TLK1: variants seen among roughly 807,000 people sequenced by gnomAD.
The protein encoded by TLK1 is serine/threonine-protein kinase tousled-like 1.
In TLK1, 24 loss-of-function variants were observed where a neutral mutation model predicts 105.3. The observed-to-expected ratio is 0.23, with a 90% confidence interval of 0.17 to 0.32. TLK1 has a LOEUF of 0.32. Ranked by LOEUF, TLK1 falls within the 10% of genes least tolerant of loss-of-function variation. The pLI is 1.00. For missense variants in TLK1, 558 were observed against 910.5 expected (o/e 0.61, Z 4.98); for synonymous variants, 321 against 310.4 (o/e 1.03, Z -0.36).
chr2:171,201,284 T>C (rs1194646504), intron 1 of TLK1, among the ~76,000 whole-genome samples: 1 of 152,228 alleles, frequency 6.6e-6, no homozygotes, highest in Non-Finnish European at 1.5e-5. Flanking sequence ...AAATTCATTT[T>C]ATCAATGCTT....
intron 1 of TLK1, among the ~76,000 whole-genome samples, chr2:171,119,799 T>C (rs1382191411): frequency 6.6e-6 from 1 of 152,192 alleles, no homozygotes; most frequent in East Asian, 1.9e-4. Flanking sequence ...ATCCTTACTT[T>C]AACCATATAA....
At chr2:171,136,855 A>G (rs962250118) in intron 1 of TLK1, among the ~76,000 whole-genome samples, 5 of 152,212 alleles carry the variant, frequency 3.3e-5, no homozygotes, top group Admixed American at 2.6e-4. Flanking sequence ...GTTAAATATT[A>G]TAAGGTAAAA....
intron 1 of TLK1, among the ~76,000 whole-genome samples, chr2:171,171,935 A>G (rs1692737231): frequency 2.0e-5 from 3 of 152,182 alleles, no homozygotes; most frequent in South Asian, 4.1e-4. Context: ...CCCAACAAAA[A>G]TGCGTTACAT....
chr2:171,133,456 G>A (rs930198761), intron 1 of TLK1, among the ~76,000 whole-genome samples: 1 of 151,988 alleles, frequency 6.6e-6, no homozygotes, highest in African/African-American at 2.4e-5. Flanking sequence ...AATATTAGCC[G>A]GGCTTGGTGG....
chr2:171,029,441 G>T (rs1323030918), intron 11 of TLK1, among the ~76,000 whole-genome samples: 2 of 152,108 alleles, frequency 1.3e-5, no homozygotes, highest in African/African-American at 4.8e-5. Flanking sequence ...AACAGCCTGG[G>T]CAACATAGCA....
intron 1 of TLK1, among the ~76,000 whole-genome samples, chr2:171,211,532 G>A (rs930313181): frequency 6.6e-6 from 1 of 151,094 alleles, no homozygotes; most frequent in Admixed American, 6.6e-5. Context: ...AATGTATCTA[G>A]TGATATCTGA....
At chr2:171,035,113 G>A (rs546248611) in intron 11 of TLK1, among the ~76,000 whole-genome samples, 7 of 152,182 alleles carry the variant, frequency 4.6e-5, no homozygotes, top group African/African-American at 1.7e-4. Context: ...AGCCGAGGAG[G>A]GTGGATCACC....
At chr2:171,126,431 T>A (rs1386450092) in intron 1 of TLK1, among the ~76,000 whole-genome samples, 1 of 152,206 alleles carries the variant, frequency 6.6e-6, no homozygotes, top group Non-Finnish European at 1.5e-5. Context: ...AAGGATGATA[T>A]ATTAGAACAT....
chr2:171,174,685 A>G (rs1056859959), intron 1 of TLK1, among the ~76,000 whole-genome samples: 1 of 152,268 alleles, frequency 6.6e-6, no homozygotes, highest in East Asian at 1.9e-4. Flanking sequence ...TATCCTTAGC[A>G]CAGAGCCTGC....
At chr2:171,079,184 T>C (rs773288841) in intron 3 of TLK1, among the ~76,000 whole-genome samples, 41 of 152,298 alleles carry the variant, frequency 2.7e-4, no homozygotes, top group Admixed American at 7.8e-4. Context: ...CAAACACATA[T>C]CCTAGTCCCT....
intron 2 of TLK1, among the ~76,000 whole-genome samples, chr2:171,104,635 C>A (rs1689837578): frequency 6.6e-6 from 1 of 152,126 alleles, no homozygotes; most frequent in African/African-American, 2.4e-5. Flanking sequence ...GGAGGCATCA[C>A]ACTACTGGAC....
chr2:171,052,102 A>G (rs1270885433), intron 8 of TLK1, among the ~76,000 whole-genome samples: 2 of 149,086 alleles, frequency 1.3e-5, no homozygotes, highest in Non-Finnish European at 2.9e-5. Context: ...TCTACAAAAT[A>G]AAAAAAAATC....
chr2:170,991,496 G>A lies in TLK1; in HGVS notation c.*2284C>T, dbSNP rs539903647. The A allele has an allele frequency of 6.6e-6, 1 of 152,176 alleles. No homozygotes were observed. The highest frequency in any genetic ancestry group is 2.4e-5 in the African/African-American group (1 of 41,526). The allele number at this position is 152,176 out of a possible 1,614,324, so 9.4% of individuals were successfully genotyped here. ...GGGAAACTTTTAGAAGGAAAATATG[G>A]GTCTATAAGTTGATTCATCTCCTAC... is the stretch of plus-strand genomic sequence containing the variant. On this transcript the variant is annotated 3_prime_UTR_variant, in exon 21 of 21. Coordinates refer to ENST00000431350, the MANE Select transcript of TLK1 (RefSeq NM_012290.5).
At chr2:171,032,336 G>GA (rs1319021581) in intron 11 of TLK1, among the ~76,000 whole-genome samples, 9 of 151,880 alleles carry the variant, frequency 5.9e-5, no homozygotes, top group Non-Finnish European at 1.2e-4. Context: ...TCTATATTTA[G>GA]AAAATCCCCA....
At chr2:171,104,249 C>A (rs1193442455) in intron 2 of TLK1, among the ~76,000 whole-genome samples, 1 of 149,532 alleles carries the variant, frequency 6.7e-6, no homozygotes, top group Admixed American at 6.7e-5. Flanking sequence ...GCACTCCAGC[C>A]TGGGCAACAG....
At chr2:171,151,873 T>C (rs1014777517) in intron 1 of TLK1, among the ~76,000 whole-genome samples, 2 of 152,224 alleles carry the variant, frequency 1.3e-5, no homozygotes, top group African/African-American at 4.8e-5. Flanking sequence ...TTTACACAGA[T>C]GTTTAAAAGA....
At chr2:171,097,038 G>C (rs1454777459) in intron 2 of TLK1, among the ~76,000 whole-genome samples, 1 of 152,122 alleles carries the variant, frequency 6.6e-6, no homozygotes. Flanking sequence ...AACTGAGTAA[G>C]CACAAAGCTG....
chr2:171,027,342 G>A (rs1685821447), intron 12 of TLK1, among the ~76,000 whole-genome samples: 1 of 152,040 alleles, frequency 6.6e-6, no homozygotes, highest in Non-Finnish European at 1.5e-5. Flanking sequence ...ATGTCTGTCA[G>A]TAACTTAATT....
intron 1 of TLK1, among the ~76,000 whole-genome samples, chr2:171,187,727 G>A (rs765438831): frequency 1.7e-4 from 26 of 152,160 alleles, no homozygotes; most frequent in Admixed American, 7.9e-4. Flanking sequence ...GTCTGCCTGC[G>A]TCTGCTAGAA....
Sources: gnomAD v4.1 joint callset for allele counts (sites outside exome capture counted in the v4.1 genomes callset) on GRCh38, gnomAD v4.1.1 for gene constraint, MANE v1.5 for transcripts, NCBI Gene and HGNC (gene_info 2026-07-23, HGNC 2026-07-21) for gene names.